MAN1C1: variants seen among roughly 807,000 people sequenced by gnomAD.
MAN1C1 encodes the protein mannosidase alpha class 1C member 1, also known as mannosyl-oligosaccharide 1,2-alpha-mannosidase IC.
A neutral mutation model predicts 71.5 loss-of-function variants in MAN1C1; 49 were observed. The observed-to-expected ratio is 0.69, with a 90% CI of 0.54 to 0.87. The LOEUF (loss-of-function observed/expected upper bound fraction) is 0.87, where lower values mean the gene tolerates loss of function less well. Ranked by LOEUF, MAN1C1 falls within the 40% of genes least tolerant of loss-of-function variation. The pLI is 0.00. For synonymous variants in MAN1C1, 352 were observed against 343.7 expected (o/e 1.02, Z -0.27); for missense variants, 743 against 835.0 (o/e 0.89, Z 1.36).
At position 25,617,093 on chromosome 1, in the gene MAN1C1, T is replaced by C. The variant is rs2045109462; in HGVS notation, c.-705T>C. The stretch of plus-strand genomic sequence containing the variant: ...CGGACCCAGGCATCCCTGCGCTGTC[T>C]GGGGCCCGGGGGAAGCCCCCTGCCC... On this transcript the variant is annotated 5_prime_UTR_variant, in exon 1 of 12. Transcript: ENST00000374332. The surrounding 1 kb of genome is among the most constrained non-coding windows in gnomAD (Gnocchi z 5.1). 6.6e-6 allele frequency among the ~76,000 whole-genome samples: 1 copy of C among 151,828 alleles called. No individual in the cohort carries two copies. Among genetic ancestry groups the C allele is most frequent in the Admixed American group, 6.5e-5 (1 of 15,270 alleles).
At chr1:25,751,173 A>G (rs574309565) in intron 4 of MAN1C1, among the ~76,000 whole-genome samples, 1 of 129,424 alleles carries the variant, frequency 7.7e-6, no homozygotes, top group South Asian at 2.4e-4. Context: ...CCTTCCATTT[A>G]TCTTTCCTTC....
rs879637919 is a variant in MAN1C1, at chr1:25,735,267, A to T, written c.638-11401A>T. Among the ~76,000 whole-genome samples the T allele has an allele frequency of 5.9e-5, 9 of 152,238 alleles. No homozygotes were observed. The highest frequency in any genetic ancestry group is 8.8e-5 in the Non-Finnish European group (6 of 68,008). ...TCCCCACCTCTGCCAAAAACACAAA[A>T]ATTAGCCGGGCATGCTGACGCATGC... On this transcript the variant is annotated intron_variant, in intron 2 of 11. Transcript: ENST00000374332. The surrounding 1 kb of genome is among the most constrained non-coding windows in gnomAD (Gnocchi z 4.6).
At chr1:25,757,722 C>A (rs969115692) in intron 5 of MAN1C1, among the ~76,000 whole-genome samples, 1 of 152,216 alleles carries the variant, frequency 6.6e-6, no homozygotes, top group African/African-American at 2.4e-5. Flanking sequence ...GGCTCCAGAT[C>A]TCAGGGAGAC....
intron 7 of MAN1C1, among the ~76,000 whole-genome samples, chr1:25,767,200 ACAC>A (rs1444676641): frequency 1.0e-5 from 1 of 99,832 alleles, no homozygotes; most frequent in African/African-American, 4.2e-5. Context: ...CCAGACACAC[ACAC>A]ATTACACACT....
In MAN1C1 at chr1:25,764,390, C is replaced by T. The variant is rs1240972741; in HGVS notation, c.1141+423C>T. 6.6e-6 allele frequency among the ~76,000 whole-genome samples: 1 copy of T among 152,046 alleles called. No individual in the cohort carries two copies. Among genetic ancestry groups the T allele is most frequent in the African/African-American group, 2.4e-5 (1 of 41,398 alleles). On this transcript the variant is annotated intron_variant, in intron 7 of 11. Coordinates refer to ENST00000374332, the MANE Select transcript of MAN1C1 (RefSeq NM_020379.4). The surrounding 1 kb of genome is among the most constrained non-coding windows in gnomAD (Gnocchi z 4.4). Reference sequence around the variant, plus strand: ...CTTTCCAAGCCTCTTTGATCAGGCTCCCCACTTCCAACTTCAATTTTTTTT... The same window carrying T: ...CTTTCCAAGCCTCTTTGATCAGGCTTCCCACTTCCAACTTCAATTTTTTTT...
intron 2 of MAN1C1, among the ~76,000 whole-genome samples, chr1:25,727,151 C>G (rs572788828): frequency 6.6e-6 from 1 of 152,184 alleles, no homozygotes; most frequent in African/African-American, 2.4e-5. Flanking sequence ...AGACCCAGCT[C>G]AGATTACTAC....
intron 1 of MAN1C1, among the ~76,000 whole-genome samples, chr1:25,619,270 T>A (rs2045168243): frequency 6.6e-6 from 1 of 152,180 alleles, no homozygotes; most frequent in South Asian, 2.1e-4. Flanking sequence ...GTGGGCAAGC[T>A]GTGGGCCAGG....
At chr1:25,767,702 C>T (rs1235099633) in intron 7 of MAN1C1, among the ~76,000 whole-genome samples, 7 of 72,522 alleles carry the variant, frequency 9.7e-5, no homozygotes, top group South Asian at 9.1e-4. Flanking sequence ...CCACACTCCC[C>T]TCACACATAC....
chr1:25,639,062 T>C (rs1393002913), intron 1 of MAN1C1, among the ~76,000 whole-genome samples: 1 of 152,204 alleles, frequency 6.6e-6, no homozygotes, highest in Non-Finnish European at 1.5e-5. Context: ...TTTCTCTCTG[T>C]ACTTCTGTGA....
At position 25,730,963 on chromosome 1, in the gene MAN1C1, G is replaced by C. The variant is rs964765237; in HGVS notation, c.638-15705G>C. 6.6e-6 allele frequency among the ~76,000 whole-genome samples: 1 copy of C among 152,206 alleles called. No homozygotes were observed. Among genetic ancestry groups the C allele is most frequent in the African/African-American group, 2.4e-5 (1 of 41,454 alleles). ...TGGTCACAGGCTGGTAAGCCACAGA[G>C]CCAAGGCACATGGTTTGACCACAAG... On this transcript the variant is annotated intron_variant, in intron 2 of 11. Coordinates refer to ENST00000374332, the MANE Select transcript of MAN1C1 (RefSeq NM_020379.4). The surrounding 1 kb of genome is among the most constrained non-coding windows in gnomAD (Gnocchi z 4.3).
At chr1:25,672,607 C>G (rs1042653809) in intron 1 of MAN1C1, among the ~76,000 whole-genome samples, 2 of 152,142 alleles carry the variant, frequency 1.3e-5, no homozygotes, top group Non-Finnish European at 2.9e-5. Flanking sequence ...TTATAAGGAC[C>G]CTTCTGATTG....
intron 1 of MAN1C1, among the ~76,000 whole-genome samples, chr1:25,638,925 G>C (rs1029920502): frequency 2.0e-5 from 3 of 152,058 alleles, no homozygotes; most frequent in Non-Finnish European, 4.4e-5. Context: ...TTTGGAAAAA[G>C]TTTGGCCCAT....
At chr1:25,714,718 A>C (rs1296700768) in intron 2 of MAN1C1, among the ~76,000 whole-genome samples, 2 of 152,220 alleles carry the variant, frequency 1.3e-5, no homozygotes, top group Non-Finnish European at 2.9e-5. Context: ...ATTGGTTTAC[A>C]ATGTCACATA....
intron 1 of MAN1C1, among the ~76,000 whole-genome samples, chr1:25,643,422 T>TTTA (rs2045565196): frequency 1.1e-5 from 1 of 91,482 alleles, no homozygotes; most frequent in East Asian, 3.6e-4. Flanking sequence ...GCCTGGCTAA[T>TTTA]TTTTTTTTTT....
chr1:25,710,495 A>T lies in MAN1C1; in HGVS notation c.637+23959A>T, dbSNP rs1229965583. ...AGTTGCTAACATTTATTGAACATGT[A>T]CTGTGTGCCAAGTGCTATTCTAAGT... On this transcript the variant is annotated intron_variant, in intron 2 of 11. Coordinates refer to ENST00000374332, the MANE Select transcript of MAN1C1 (RefSeq NM_020379.4). Among the ~76,000 whole-genome samples the T allele has an allele frequency of 2.0e-5, 3 of 152,240 alleles. No individual in the cohort carries two copies. The East Asian group carries it at 5.8e-4, about 29-fold the overall frequency.
intron 4 of MAN1C1, 135 bp downstream of exon 4, chr1:25,749,470 C>A: frequency 1.5e-6 from 1 of 651,530 alleles, no homozygotes; most frequent in Non-Finnish European, 2.5e-6. Context: ...CCACCCAAGT[C>A]CACCCCTGAG....
At chr1:25,736,693 AT>A (rs2046987571) in intron 2 of MAN1C1, among the ~76,000 whole-genome samples, 2 of 151,908 alleles carry the variant, frequency 1.3e-5, no homozygotes, top group Admixed American at 6.6e-5. Context: ...TGTCTGGCAA[AT>A]TTTTGCATTT....
intron 2 of MAN1C1, among the ~76,000 whole-genome samples, chr1:25,705,186 T>C (rs1364236559): frequency 6.6e-6 from 1 of 152,220 alleles, no homozygotes; most frequent in Non-Finnish European, 1.5e-5. Context: ...GAAGGAAAAG[T>C]TGCTGAAGTT....
chr1:25,656,093 G>GTATTTTTTTTTTTTTTTTT (rs1557751359), intron 1 of MAN1C1, among the ~76,000 whole-genome samples: 1 of 79,896 alleles, frequency 1.3e-5, no homozygotes, highest in African/African-American at 1.1e-4. Flanking sequence ...GGGATTATCA[G>GTATTTTTTTTTTTTTTTTT]TCTTTTTTTT....
Sources: gnomAD v4.1 joint callset for allele counts (sites outside exome capture counted in the v4.1 genomes callset) on GRCh38, gnomAD v4.1.1 for gene constraint, Gnocchi (gnomAD v3.1) non-coding constraint, MANE v1.5 for transcripts, NCBI Gene and HGNC (gene_info 2026-07-23, HGNC 2026-07-21) for gene names.